The following TCERG1L variants were observed in gnomAD, a reference collection of about 807,000 sequenced individuals.
The protein encoded by TCERG1L is transcription elongation regulator 1-like protein.
In TCERG1L, 37 loss-of-function variants were observed where a neutral mutation model predicts 56.3. That is an observed-to-expected ratio of 0.66 (90% CI 0.51 to 0.87). The LOEUF is 0.87. Ranked by LOEUF, TCERG1L falls within the 40% of genes least tolerant of loss-of-function variation. The pLI is 0.00. For missense variants in TCERG1L, 799 were observed against 774.2 expected, an observed-to-expected ratio of 1.03 and a Z score of -0.38; for synonymous variants, 324 against 326.3, an observed-to-expected ratio of 0.99 and a Z score of 0.08.
intron 4 of TCERG1L, among the ~76,000 whole-genome samples, chr10:131,191,758 G>A (rs1427204165): frequency 1.4e-5 from 2 of 138,122 alleles, no homozygotes; most frequent in African/African-American, 5.5e-5. Context: ...CCAGCTACTC[G>A]GGAGGCTGAG....
chr10:131,230,845 A>G (rs1033447028), intron 4 of TCERG1L, among the ~76,000 whole-genome samples: 1 of 152,204 alleles, frequency 6.6e-6, no homozygotes, highest in Non-Finnish European at 1.5e-5. Context: ...GGCTCTGGAC[A>G]GATGTGCAGT....
Position 131,118,028 on chromosome 10 carries a change from A to C in TCERG1L, c.1260-1094T>G, listed in dbSNP as rs1420670096. Among the ~76,000 whole-genome samples the C allele has an allele frequency of 6.6e-6, 1 of 152,116 alleles. No individual in the cohort carries two copies. Among genetic ancestry groups the C allele is most frequent in the Admixed American group, 6.5e-5 (1 of 15,286 alleles). On this transcript the variant is annotated intron_variant, in intron 8 of 11. Coordinates refer to ENST00000368642, the MANE Select transcript of TCERG1L (RefSeq NM_174937.4). This position sits in a 1 kb window ranked among gnomAD's most constrained non-coding sequence, Gnocchi z 4.2. ...CCTGTTCTCCAGGACGGGCAGACTCAACCCGCGCTGGGTTGGCGCACCCTC... is the reference window on the plus strand; with the variant it reads ...CCTGTTCTCCAGGACGGGCAGACTCCACCCGCGCTGGGTTGGCGCACCCTC...
chr10:131,220,103 G>C lies in TCERG1L; in HGVS notation c.856+40156C>G, dbSNP rs543022799. 3.7e-3 allele frequency among the ~76,000 whole-genome samples: 563 copies of C among 152,280 alleles called. 3 individuals carry two copies. Among genetic ancestry groups the C allele is most frequent in the African/African-American group, 0.013 (542 of 41,570 alleles). ...CGGGCTGAGCTCCACCCTGGCACCC[G>C]CATGGCCTTTCAGAGCCTCCAAGCC... On this transcript the variant is annotated intron_variant, in intron 4 of 11. Coordinates refer to ENST00000368642, the MANE Select transcript of TCERG1L (RefSeq NM_174937.4).
At chr10:131,117,257 T>C (rs1433565628) in intron 8 of TCERG1L, among the ~76,000 whole-genome samples, 1 of 152,160 alleles carries the variant, frequency 6.6e-6, no homozygotes, top group South Asian at 2.1e-4. Flanking sequence ...TCACTCCAGG[T>C]CCTCATACTG....
chr10:131,156,961 C>G (rs1845930012), intron 6 of TCERG1L, among the ~76,000 whole-genome samples: 1 of 152,176 alleles, frequency 6.6e-6, no homozygotes, highest in Non-Finnish European at 1.5e-5. Context: ...ACACCTACAA[C>G]AGCTCACAAA....
chr10:131,126,902 AGC>A (rs1386782110), intron 8 of TCERG1L, among the ~76,000 whole-genome samples: 3 of 152,080 alleles, frequency 2.0e-5, no homozygotes, highest in Non-Finnish European at 4.4e-5. Context: ...GCCAGACAAG[AGC>A]TGAGGGAGAC....
intron 4 of TCERG1L, among the ~76,000 whole-genome samples, chr10:131,222,181 G>A (rs1434645009): frequency 1.3e-5 from 2 of 152,230 alleles, no homozygotes; most frequent in African/African-American, 4.8e-5. Context: ...GCTTCTCCGC[G>A]GCATGCGAGT....
In TCERG1L at chr10:131,166,855, C is replaced by A. The variant is rs147188443; in HGVS notation, c.887G>T (p.Arg296Leu). Residue 296 changes from arginine to leucine, a missense_variant, in exon 5 of 12, where the codon CGC becomes CTC. Coordinates refer to ENST00000368642, the MANE Select transcript of TCERG1L (RefSeq NM_174937.4). ...DTRTERGRVA[R>L]PPALMLRAQK... ...GGCCCGCAGCATCAGGGCAGGAGGG[C>A]GGGCCACTCGGCCCCGCTCTGTCCT... 1.2e-6 allele frequency: 2 copies of A among 1,613,200 alleles called. No individual in the cohort carries two copies. The highest frequency in any genetic ancestry group is 1.7e-6 in the Non-Finnish European group (2 of 1,179,896).
At chr10:131,166,018 G>T (rs1564805656) in intron 5 of TCERG1L, among the ~76,000 whole-genome samples, 1 of 152,296 alleles carries the variant, frequency 6.6e-6, no homozygotes, top group Non-Finnish European at 1.5e-5. Context: ...ATCTCAGGGG[G>T]CAAAAGTTTA....
chr10:131,273,053 G>A (rs555124977), intron 3 of TCERG1L, among the ~76,000 whole-genome samples: 2 of 152,308 alleles, frequency 1.3e-5, no homozygotes, highest in East Asian at 3.9e-4. Context: ...AGGGAGTTGG[G>A]GTCCACAGTG....
chr10:131,145,021 T>C (rs1845781224), intron 7 of TCERG1L, among the ~76,000 whole-genome samples: 1 of 152,216 alleles, frequency 6.6e-6, no homozygotes. Flanking sequence ...TTGCCTTTAA[T>C]AAGTTCATTT....
chr10:131,266,165 G>T (rs867397042), intron 3 of TCERG1L, among the ~76,000 whole-genome samples: 1 of 152,142 alleles, frequency 6.6e-6, no homozygotes, highest in Non-Finnish European at 1.5e-5. Flanking sequence ...CTCCTTATGC[G>T]TTAAAGTTGT....
At chr10:131,120,305 C>A (rs926959909) in intron 8 of TCERG1L, among the ~76,000 whole-genome samples, 2 of 152,188 alleles carry the variant, frequency 1.3e-5, no homozygotes, top group Non-Finnish European at 2.9e-5. Context: ...CCCAGTGGAG[C>A]TGAGTTCTGG....
chr10:131,203,836 G>C (rs758095228), intron 4 of TCERG1L, among the ~76,000 whole-genome samples: 1 of 152,196 alleles, frequency 6.6e-6, no homozygotes, highest in Non-Finnish European at 1.5e-5. Flanking sequence ...CCTCCAAGTG[G>C]GGGGTGGGCA....
chr10:131,284,208 G>A lies in TCERG1L; in HGVS notation c.671-23764C>T, dbSNP rs536570248. Reference sequence around the variant, plus strand: ...CTCCACACATTTCAGAAGAATTGTTGTATACAGCCCACAGTTTACTTCAGT... The same window carrying A: ...CTCCACACATTTCAGAAGAATTGTTATATACAGCCCACAGTTTACTTCAGT... On this transcript the variant is annotated intron_variant, in intron 3 of 11. Coordinates refer to ENST00000368642, the MANE Select transcript of TCERG1L (RefSeq NM_174937.4). Among the ~76,000 whole-genome samples, 10 of 151,132 alleles carry A rather than the reference G, an allele frequency of 6.6e-5. No homozygotes were observed. In the South Asian group the frequency reaches 1.9e-3, roughly 28 times the overall value.
intron 4 of TCERG1L, among the ~76,000 whole-genome samples, chr10:131,192,371 C>A (rs75745217): frequency 0.052 from 7,481 of 143,098 alleles, 1,161 homozygotes; most frequent in Middle Eastern, 0.071. Context: ...AGTCAGAAAA[C>A]GATAGATATG....
At chr10:131,163,000 G>T in intron 6 of TCERG1L, 122 bp downstream of exon 6, 2 of 736,866 alleles carry the variant, frequency 2.7e-6, no homozygotes, top group South Asian at 2.3e-5. Flanking sequence ...GGAGTTGCAA[G>T]TTCATTGTTT....
At chr10:131,236,385 TG>T (rs1204103318) in intron 4 of TCERG1L, among the ~76,000 whole-genome samples, 1 of 152,180 alleles carries the variant, frequency 6.6e-6, no homozygotes, top group Non-Finnish European at 1.5e-5. Context: ...AGACAGGCAA[TG>T]GACCACATGA....
intron 4 of TCERG1L, among the ~76,000 whole-genome samples, chr10:131,175,244 G>A (rs994928246): frequency 9.8e-5 from 15 of 152,346 alleles, no homozygotes; most frequent in African/African-American, 2.6e-4. Flanking sequence ...TTTGGGATCC[G>A]AGGGTAAAAG....
Sources: allele counts gnomAD v4.1 joint callset (sites outside exome capture counted in the v4.1 genomes callset), GRCh38; gene constraint gnomAD v4.1.1; non-coding constraint Gnocchi (gnomAD v3.1); transcripts MANE v1.5; gene names NCBI Gene and HGNC (gene_info 2026-07-23, HGNC 2026-07-21).